Variants in SEMA4C observed in about 807,000 individuals in gnomAD.
The protein encoded by SEMA4C is semaphorin-4C.
A neutral mutation model predicts 89.0 loss-of-function variants in SEMA4C; 19 were observed. The observed-to-expected ratio is 0.21, with a 90% confidence interval of 0.15 to 0.31. The LOEUF is 0.31. Among genes scored for constraint, SEMA4C ranks in the 10% least tolerant of loss-of-function variants. The pLI is 1.00. For synonymous variants in SEMA4C, 428 were observed against 472.7 expected (o/e 0.91, Z 1.23); for missense variants, 811 against 1,107.0 (o/e 0.73, Z 3.79).
At position 96,864,781 on chromosome 2, in the gene SEMA4C, G is replaced by T. The variant is rs781017776; in HGVS notation, c.886C>A (p.Gln296Lys). ...SAPNWQLYFN[Q>K]LQAMHTLQDT... Reference sequence around the variant, plus strand: ...TGCAGGGTGTGCATCGCCTGCAGCTGGTTGAAGTAGAGCTGCCAGTTCGGG... The same window carrying T: ...TGCAGGGTGTGCATCGCCTGCAGCTTGTTGAAGTAGAGCTGCCAGTTCGGG... The change falls in exon 9 of 15, where the codon CAG (glutamine) becomes AAG (lysine). Residue 296 changes from glutamine (Q) to lysine (K), a missense_variant. Physicochemically the swap from Gln to Lys is moderately conservative, Grantham distance 53. Transcript: ENST00000305476. The surrounding 1 kb of genome is among the most constrained non-coding windows in gnomAD (Gnocchi z 6.3). 1.9e-6 allele frequency: 3 copies of T among 1,613,862 alleles called. 1 individual carries two copies. Among genetic ancestry groups the T allele is most frequent in the African/African-American group, 2.7e-5 (2 of 74,940 alleles).
chr2:96,869,618 A>G lies in SEMA4C; in HGVS notation c.-38+258T>C, dbSNP rs1374841384. ...TCCCGGCCGCGGACCGGACCGCGCGAGGAACCCTCGCTGGCGCGCCCCTCC... is the reference window on the plus strand; with the variant it reads ...TCCCGGCCGCGGACCGGACCGCGCGGGGAACCCTCGCTGGCGCGCCCCTCC... On this transcript the variant is annotated intron_variant, in intron 1 of 14. Coordinates refer to ENST00000305476, the MANE Select transcript of SEMA4C (RefSeq NM_017789.5). 10 of 984,994 alleles carry G rather than the reference A, an allele frequency of 1.0e-5. 1 individual carries two copies. The East Asian group carries it at 5.7e-4, about 56-fold the overall frequency. 61.0% of individuals were successfully genotyped at this position (984,994 alleles called of 1,614,324 possible). A position where few individuals can be genotyped will look rare whatever the true frequency, so the allele number is the denominator to read the frequency against.
Position 96,861,262 on chromosome 2 carries a change from G to A in SEMA4C, c.1866C>T (p.Ala622=), listed in dbSNP as rs762287554. 23 of 1,608,326 alleles carry A rather than the reference G, an allele frequency of 1.4e-5. No individual in the cohort carries two copies. The highest frequency in any genetic ancestry group is 2.2e-5 in the East Asian group (1 of 44,878). Residue 622 remains alanine (A), a synonymous_variant, in exon 15 of 15, where the codon GCC becomes GCT. Coordinates refer to ENST00000305476, the MANE Select transcript of SEMA4C (RefSeq NM_017789.5). The surrounding 1 kb of genome is among the most constrained non-coding windows in gnomAD (Gnocchi z 7.8). ...CCTCTGAAAAGCAGTGGTAGGCCCC[G>A]GCATGGCGGGGCTGGGCAGCCATCA... is the stretch of plus-strand genomic sequence containing the variant. ...LVVMAAQPRH[A]GAYHCFSEEQ... is the part of the protein sequence containing the mutation.
intron 1 of SEMA4C, chr2:96,869,406 G>A (rs961411925): frequency 3.0e-6 from 3 of 985,082 alleles, no homozygotes; most frequent in South Asian, 4.7e-5. Flanking sequence ...AGCCGGGGAC[G>A]GCGCGGCCCG....
chr2:96,870,269 G>C, upstream of SEMA4C: 6 of 985,496 alleles, frequency 6.1e-6, no homozygotes, highest in Non-Finnish European at 7.2e-6. Context: ...CAACCCCTCC[G>C]GGTGTCCAGC....
In SEMA4C at chr2:96,869,865, G is replaced by A; in HGVS notation, c.-38+11C>T. The A allele has an allele frequency of 3.0e-6, 3 of 985,794 alleles. No homozygotes were observed. The highest frequency in any genetic ancestry group is 1.7e-5 in the African/African-American group (1 of 57,332). 61.1% of individuals were successfully genotyped at this position (985,794 alleles called of 1,614,324 possible). ...GCGGCTCCAGCCTCACGCAAGCCCG[G>A]CCTCGCTCACCTATTGCGCGCAGCT... is the stretch of plus-strand genomic sequence containing the variant. On this transcript the variant is annotated intron_variant, in intron 1 of 14. Transcript: ENST00000305476.
upstream of SEMA4C, chr2:96,870,296 G>A: frequency 1.0e-6 from 1 of 985,530 alleles, no homozygotes; most frequent in Non-Finnish European, 1.2e-6. Flanking sequence ...GGGGCTCGGA[G>A]TCGCGGGCTG....
intron 2 of SEMA4C, 177 bp from the exon 3 acceptor site, chr2:96,866,608 C>A (rs376577466): frequency 7.2e-5 from 61 of 845,056 alleles, no homozygotes; most frequent in East Asian, 6.9e-4. Context: ...CCTGGGCCTC[C>A]CTAGCCTTTC....
rs750367503 is a variant in SEMA4C, at chr2:96,860,644, G to A, written c.2484C>T (p.Pro828=). The change falls in exon 15 of 15, where the codon CCC becomes CCT. Residue 828 remains proline (P), a synonymous_variant. Transcript: ENST00000305476. ...QQRQPLPDSN[P]EESSV Reference sequence around the variant, plus strand: ...GTTCCCCTCATACTGATGACTCCTCGGGGTTGGAGTCGGGCAGTGGCTGGC... The same window carrying A: ...GTTCCCCTCATACTGATGACTCCTCAGGGTTGGAGTCGGGCAGTGGCTGGC... 52 of 1,610,328 alleles carry A rather than the reference G, an allele frequency of 3.2e-5. No homozygotes were observed. The South Asian group carries it at 5.0e-4, about 15-fold the overall frequency.
At chr2:96,867,963 G>A (rs1013294296) in intron 1 of SEMA4C, 40 bp from the exon 2 acceptor site, 13 of 1,607,536 alleles carry the variant, frequency 8.1e-6, no homozygotes, top group Admixed American at 1.7e-5. Context: ...CACAGCCAGA[G>A]AAAGCAAACC....
chr2:96,864,440 G>A lies in SEMA4C; in HGVS notation c.963-58C>T. On this transcript the variant is annotated intron_variant, in intron 9 of 14. Transcript: ENST00000305476. This position sits in a 1 kb window ranked among gnomAD's most constrained non-coding sequence, Gnocchi z 6.3. ...ACCCACCTTATCTCTTCCCACCCCA[G>A]CTAAGGGCAAGCAGCAGGAAGGCAG... 9 of 1,601,938 alleles carry A rather than the reference G, an allele frequency of 5.6e-6. No homozygotes were observed. The Admixed American group carries it at 1.3e-4, about 24-fold the overall frequency.
chr2:96,866,045 C>A, intron 3 of SEMA4C, 116 bp from the exon 4 acceptor site: 7 of 1,161,230 alleles, frequency 6.0e-6, no homozygotes, highest in Non-Finnish European at 8.8e-6. Flanking sequence ...GGTCCCTATT[C>A]TCTGGGGACT....
intron 12 of SEMA4C, chr2:96,862,186 A>G: frequency 2.4e-6 from 1 of 418,942 alleles, no homozygotes; most frequent in South Asian, 3.9e-5. Context: ...ATAATCACAC[A>G]CACTCACACA....
rs149174129 is a variant in SEMA4C, at chr2:96,861,401, G to C, written c.1727C>G (p.Pro576Arg). The C allele has an allele frequency of 5.3e-4, 857 of 1,610,306 alleles. No homozygotes were observed. The highest frequency in any genetic ancestry group is 6.8e-4 in the Non-Finnish European group (802 of 1,179,992). ...GGCCAAGTTGGAGGAGAGGTGGCAGGGCAGCACCAGGTCTGTGCCCGCCAC... is the reference window on the plus strand; with the variant it reads ...GGCCAAGTTGGAGGAGAGGTGGCAGCGCAGCACCAGGTCTGTGCCCGCCAC... The part of the protein sequence containing the change: ...TVVAGTDLVL[P>R]CHLSSNLAHA... The change falls in exon 15 of 15, where the codon CCC becomes CGC. Residue 576 changes from proline to arginine, a missense_variant. Around this residue, in one of 4 missense-constraint regions of SEMA4C, gnomAD observed 441 missense variants for 664.9 expected, o/e 0.66. Transcript: ENST00000305476. This position sits in a 1 kb window ranked among gnomAD's most constrained non-coding sequence, Gnocchi z 7.8.
intron 1 of SEMA4C, chr2:96,868,797 G>T (rs994284726): frequency 2.0e-6 from 2 of 985,192 alleles, no homozygotes; most frequent in African/African-American, 3.5e-5. Flanking sequence ...CTGGCAACGC[G>T]CCGCGCACGG....
rs1286827897 is a variant in SEMA4C at position 96,867,938 on chromosome 2, G to A, written c.-37-15C>T. 1.9e-6 allele frequency: 3 copies of A among 1,612,238 alleles called. No homozygotes were observed. Among genetic ancestry groups the A allele is most frequent in the South Asian group, 1.1e-5 (1 of 91,078 alleles). On this transcript the variant is annotated splice_polypyrimidine_tract_variant and intron_variant, in intron 1 of 14. Transcript: ENST00000305476. ...GGCCAGCTGTCCTGCTGAGGGAAAA[G>A]ACATGGTCAGAAATCACAGCCAGAG...
At chr2:96,869,479 C>CG (rs1307784781) in intron 1 of SEMA4C, 1 of 212,984 alleles carries the variant, frequency 4.7e-6, no homozygotes, top group Non-Finnish European at 7.7e-6. Context: ...GGCGGGCGGG[C>CG]GGGGGGCCGC....
intron 1 of SEMA4C, chr2:96,868,821 C>T (rs2080142384): frequency 1.0e-6 from 1 of 985,204 alleles, no homozygotes; most frequent in Non-Finnish European, 1.2e-6. Flanking sequence ...GCACCCGCTG[C>T]GCTCCCGCGA....
chr2:96,868,680 AGGGGCGGTG>A, intron 1 of SEMA4C: 1 of 956,316 alleles, frequency 1.0e-6, no homozygotes, highest in Non-Finnish European at 1.2e-6. Flanking sequence ...CCTCTGGCGG[AGGGGCGGTG>A]GGGGGACCGA....
intron 12 of SEMA4C, chr2:96,863,265 A>T: frequency 9.8e-7 from 1 of 1,016,354 alleles, no homozygotes; most frequent in African/African-American, 1.7e-5. Flanking sequence ...CTTCAGGGAA[A>T]CAGTCACGGA....
Sources: allele counts gnomAD v4.1 joint callset, GRCh38; gene constraint gnomAD v4.1.1; regional missense constraint gnomAD v4.1.1; non-coding constraint Gnocchi (gnomAD v3.1); transcripts MANE v1.5; gene names NCBI Gene and HGNC (gene_info 2026-07-23, HGNC 2026-07-21).